The following SLC24A2 variants were observed in gnomAD, a reference collection of about 807,000 sequenced individuals.
SLC24A2 encodes sodium/potassium/calcium exchanger 2.
In SLC24A2, 36 loss-of-function variants were observed where a neutral mutation model predicts 62.0. The observed-to-expected ratio is 0.58, with a 90% CI of 0.44 to 0.77. SLC24A2 has a LOEUF of 0.77. Among genes scored for constraint, SLC24A2 ranks in the 30% least tolerant of loss-of-function variants. The pLI, the probability that SLC24A2 is intolerant of heterozygous loss-of-function variation, is 0.00. For synonymous variants in SLC24A2, 358 were observed against 294.0 expected (o/e 1.22, Z -2.23); for missense variants, 846 against 817.9 (o/e 1.03, Z -0.42).
the SLC24A2 span, among the ~76,000 whole-genome samples, chr9:20,244,272 C>T: frequency 2.0e-5 from 3 of 152,102 alleles, no homozygotes; most frequent in Admixed American, 6.5e-5. Context: ...AATGAGTTTA[C>T]AAGATCCCAA....
chr9:19,600,997 G>A (rs765475602), intron 4 of SLC24A2, among the ~76,000 whole-genome samples: 2 of 152,150 alleles, frequency 1.3e-5, no homozygotes, highest in African/African-American at 4.8e-5. Flanking sequence ...GGTCTAGTGG[G>A]GACTTGGAGA....
chr9:19,962,570 G>T, the SLC24A2 span, among the ~76,000 whole-genome samples: 260 of 152,256 alleles, frequency 1.7e-3, 1 homozygote, highest in African/African-American at 5.7e-3. Flanking sequence ...CCTTGAAGAG[G>T]TCCTTCCCGT....
chr9:20,228,835 G>A, the SLC24A2 span, among the ~76,000 whole-genome samples: 1 of 152,066 alleles, frequency 6.6e-6, no homozygotes, highest in African/African-American at 2.4e-5. Flanking sequence ...AGGAAGGAGA[G>A]CTAAGGCTGT....
At chr9:20,221,080 T>G in the SLC24A2 span, among the ~76,000 whole-genome samples, 1 of 151,836 alleles carries the variant, frequency 6.6e-6, no homozygotes, top group Non-Finnish European at 1.5e-5. Context: ...GCTTATAGAG[T>G]GGTGAGGAAG....
chr9:19,895,989 A>G, the SLC24A2 span: 3 of 1,589,088 alleles, frequency 1.9e-6, no homozygotes, highest in Admixed American at 1.7e-5. Context: ...CAGGGACACA[A>G]GGTGCCTCAG....
chr9:19,871,691 T>C, the SLC24A2 span, among the ~76,000 whole-genome samples: 23 of 152,206 alleles, frequency 1.5e-4, no homozygotes, highest in African/African-American at 5.5e-4. Flanking sequence ...TAGAAGATGT[T>C]TTACTTTGTG....
Position 19,664,401 on chromosome 9 carries a change from C to T in SLC24A2, c.931-42102G>A, listed in dbSNP as rs556725143. Among the ~76,000 whole-genome samples, 196 of 152,276 alleles carry T rather than the reference C, an allele frequency of 1.3e-3. 1 individual carries two copies. Among genetic ancestry groups the T allele is most frequent in the Non-Finnish European group, 2.1e-3 (140 of 68,022 alleles). ...TACAGCATGGTATCTGTGAGGCAGG[C>T]GCTGTGAGGAACACATGACACACAT... is the stretch of plus-strand genomic sequence containing the variant. On this transcript the variant is annotated intron_variant, in intron 2 of 10. Coordinates refer to ENST00000341998, the MANE Select transcript of SLC24A2 (RefSeq NM_020344.4).
the SLC24A2 span, among the ~76,000 whole-genome samples, chr9:20,112,055 G>C: frequency 6.6e-6 from 1 of 152,102 alleles, no homozygotes; most frequent in African/African-American, 2.4e-5. Flanking sequence ...ATGAAAAAAA[G>C]TAGAGCTAAC....
At chr9:20,003,140 A>G in the SLC24A2 span, among the ~76,000 whole-genome samples, 6 of 152,238 alleles carry the variant, frequency 3.9e-5, no homozygotes, top group Non-Finnish European at 1.5e-5. Context: ...TCTATATGAG[A>G]GGATTCCCCC....
chr9:19,549,801 T>C (rs1834755516), intron 8 of SLC24A2, among the ~76,000 whole-genome samples: 1 of 152,208 alleles, frequency 6.6e-6, no homozygotes, highest in South Asian at 2.1e-4. Context: ...ATTCAAATTC[T>C]TGATCGACAG....
the SLC24A2 span, among the ~76,000 whole-genome samples, chr9:20,239,676 T>C: frequency 6.6e-6 from 1 of 152,218 alleles, no homozygotes; most frequent in Non-Finnish European, 1.5e-5. Flanking sequence ...ATCATAAGAC[T>C]TGGGCAAGTT....
chr9:19,687,584 C>G (rs550230748), intron 2 of SLC24A2, among the ~76,000 whole-genome samples: 5 of 152,040 alleles, frequency 3.3e-5, no homozygotes, highest in African/African-American at 1.2e-4. Flanking sequence ...ATGTGTTCCA[C>G]GCCGTGTTTC....
At chr9:19,901,607 T>C in the SLC24A2 span, among the ~76,000 whole-genome samples, 1 of 152,166 alleles carries the variant, frequency 6.6e-6, no homozygotes, top group Non-Finnish European at 1.5e-5. Context: ...GCATGTGTAT[T>C]CACTACACAC....
intron 2 of SLC24A2, among the ~76,000 whole-genome samples, chr9:19,637,410 G>C (rs1193395863): frequency 6.6e-6 from 1 of 152,206 alleles, no homozygotes; most frequent in African/African-American, 2.4e-5. Flanking sequence ...TTGCCCGACT[G>C]TGTTTGTTCT....
intron 5 of SLC24A2, among the ~76,000 whole-genome samples, chr9:19,596,343 CCATGTAAAAGT>C (rs1301242315): frequency 6.6e-6 from 1 of 152,120 alleles, no homozygotes; most frequent in Non-Finnish European, 1.5e-5. Flanking sequence ...TTGTCAGTAT[CCATGTAAAAGT>C]CATGTAAAAA....
At chr9:19,526,933 C>A (rs1449424932) in intron 9 of SLC24A2, among the ~76,000 whole-genome samples, 1 of 152,084 alleles carries the variant, frequency 6.6e-6, no homozygotes, top group East Asian at 1.9e-4. Context: ...TATGGTCATA[C>A]AGATTTTTTT....
intron 8 of SLC24A2, among the ~76,000 whole-genome samples, chr9:19,544,935 T>C (rs1002138313): frequency 1.3e-5 from 2 of 152,196 alleles, no homozygotes; most frequent in African/African-American, 4.8e-5. Context: ...AGTATCTTTG[T>C]GGTGTTCTCT....
At chr9:20,246,845 C>T in the SLC24A2 span, among the ~76,000 whole-genome samples, 1 of 152,182 alleles carries the variant, frequency 6.6e-6, no homozygotes, top group African/African-American at 2.4e-5. Context: ...TGCATCTGCA[C>T]CAGTCCCAAC....
chr9:20,172,542 A>C, the SLC24A2 span, among the ~76,000 whole-genome samples: 1 of 152,102 alleles, frequency 6.6e-6, no homozygotes, highest in Non-Finnish European at 1.5e-5. Context: ...ACAGAAATAC[A>C]AAAGATCATT....
Sources: allele counts gnomAD v4.1 joint callset (sites outside exome capture counted in the v4.1 genomes callset), GRCh38; gene constraint gnomAD v4.1.1; transcripts MANE v1.5; gene names NCBI Gene and HGNC (gene_info 2026-07-23, HGNC 2026-07-21).